The following ULK4 variants were observed in gnomAD, a reference collection of about 807,000 sequenced individuals.
The protein encoded by ULK4 is inactive serine/threonine-protein kinase ULK4.
Under a neutral mutation model 160.6 loss-of-function variants are expected in ULK4, and 133 were observed. That is an observed-to-expected ratio of 0.83 (90% confidence interval 0.72 to 0.96). The LOEUF is 0.96. Ranked by LOEUF, ULK4 falls within the 40% of genes least tolerant of loss-of-function variation. The probability of loss-of-function intolerance (pLI) is 0.00; values close to 1 mark genes in which losing one functional copy is unlikely to be tolerated. For missense variants in ULK4, 1,580 were observed against 1,499.5 expected, an observed-to-expected ratio of 1.05 and a Z score of -0.89; for synonymous variants, 534 against 539.8, an observed-to-expected ratio of 0.99 and a Z score of 0.15.
chr3:41,411,961 C>G (rs1179359754), intron 34 of ULK4, among the ~76,000 whole-genome samples: 1 of 152,226 alleles, frequency 6.6e-6, no homozygotes, highest in South Asian at 2.1e-4. Flanking sequence ...CACCCCCTAC[C>G]TGAAGCTCCA....
At chr3:41,284,541 C>T (rs1433431700) in intron 35 of ULK4, among the ~76,000 whole-genome samples, 2 of 152,072 alleles carry the variant, frequency 1.3e-5, no homozygotes, top group African/African-American at 2.4e-5. Context: ...TGGCTAGCTA[C>T]AGGTAAGAGA....
At chr3:41,578,102 A>AT (rs1222390205) in intron 31 of ULK4, among the ~76,000 whole-genome samples, 2 of 152,158 alleles carry the variant, frequency 1.3e-5, no homozygotes, top group East Asian at 3.9e-4. Context: ...ATCTAATAGA[A>AT]TTTTTCAGTT....
intron 35 of ULK4, among the ~76,000 whole-genome samples, chr3:41,272,843 A>G (rs1036703781): frequency 2.0e-5 from 3 of 152,164 alleles, no homozygotes; most frequent in African/African-American, 7.2e-5. Flanking sequence ...TTTCTTCTGC[A>G]ATATCTAATC....
intron 35 of ULK4, among the ~76,000 whole-genome samples, chr3:41,274,841 G>A (rs557012362): frequency 6.6e-6 from 1 of 152,260 alleles, no homozygotes; most frequent in Admixed American, 6.5e-5. Context: ...GTGGATTCAT[G>A]TACCAAGGAC....
At chr3:41,512,723 T>C (rs917498527) in intron 32 of ULK4, among the ~76,000 whole-genome samples, 16 of 152,078 alleles carry the variant, frequency 1.1e-4, no homozygotes, top group African/African-American at 3.9e-4. Flanking sequence ...AAATTCAACG[T>C]AATTCCTCAT....
intron 35 of ULK4, among the ~76,000 whole-genome samples, chr3:41,342,724 C>T (rs1009104466): frequency 3.9e-5 from 6 of 152,100 alleles, no homozygotes; most frequent in South Asian, 2.1e-4. Flanking sequence ...CAACACAAAA[C>T]GAAAACTTTA....
chr3:41,490,002 A>C (rs769731904), intron 32 of ULK4, among the ~76,000 whole-genome samples: 1 of 152,144 alleles, frequency 6.6e-6, no homozygotes, highest in Non-Finnish European at 1.5e-5. Flanking sequence ...TTCTGTCCCT[A>C]TGATTTGAAA....
At chr3:41,268,799 GTCTC>G in intron 35 of ULK4, among the ~76,000 whole-genome samples, 1 of 110,140 alleles carries the variant, frequency 9.1e-6, no homozygotes, top group African/African-American at 3.8e-5. Flanking sequence ...GCAAGACTCC[GTCTC>G]ACACACACAC....
chr3:41,735,641 C>T (rs1377876443), intron 22 of ULK4, among the ~76,000 whole-genome samples: 1 of 151,644 alleles, frequency 6.6e-6, no homozygotes, highest in Non-Finnish European at 1.5e-5. Flanking sequence ...TACAGAGAGT[C>T]AAAACACTAC....
At chr3:41,808,695 A>T (rs1364704976) in intron 19 of ULK4, among the ~76,000 whole-genome samples, 1 of 152,264 alleles carries the variant, frequency 6.6e-6, no homozygotes, top group Non-Finnish European at 1.5e-5. Flanking sequence ...AATATATTGT[A>T]GGCAGCCTTA....
chr3:41,368,601 T>C (rs566297598), intron 35 of ULK4, among the ~76,000 whole-genome samples: 1 of 152,226 alleles, frequency 6.6e-6, no homozygotes, highest in African/African-American at 2.4e-5. Context: ...AATCTATGTG[T>C]CTATTTTGGG....
At chr3:41,395,846 T>C (rs1010655074) in intron 35 of ULK4, among the ~76,000 whole-genome samples, 1 of 152,166 alleles carries the variant, frequency 6.6e-6, no homozygotes, top group Non-Finnish European at 1.5e-5. Context: ...ACTTCTGTTT[T>C]TGCATACAAA....
At chr3:41,761,192 T>C (rs1423878522) in intron 21 of ULK4, among the ~76,000 whole-genome samples, 1 of 151,980 alleles carries the variant, frequency 6.6e-6, no homozygotes, top group African/African-American at 2.4e-5. Flanking sequence ...TCTATGGATA[T>C]ATTAAACCTC....
chr3:41,660,575 T>C (rs572306377), intron 30 of ULK4, among the ~76,000 whole-genome samples: 97 of 152,360 alleles, frequency 6.4e-4, no homozygotes, highest in Middle Eastern at 3.4e-3. Flanking sequence ...TACTTTTTCC[T>C]TCTTCATCCC....
chr3:41,804,313 G>A lies in ULK4; in HGVS notation c.1849-4020C>T, dbSNP rs191555764. Among the ~76,000 whole-genome samples the A allele has an allele frequency of 1.7e-3, 266 of 152,198 alleles. 1 individual carries two copies. Among genetic ancestry groups the A allele is most frequent in the African/African-American group, 5.9e-3 (243 of 41,530 alleles). On this transcript the variant is annotated intron_variant, in intron 19 of 36. Transcript: ENST00000301831. ...TGAGAAGTGTCTGTTCATGTCCTTC[G>A]CCCACTTTGTGATGGGGTTGTTTTT...
At chr3:41,339,177 G>A (rs2080628169) in intron 35 of ULK4, among the ~76,000 whole-genome samples, 1 of 151,956 alleles carries the variant, frequency 6.6e-6, no homozygotes, top group African/African-American at 2.4e-5. Flanking sequence ...GGCTCTAGTG[G>A]ACATTGCCAG....
chr3:41,397,424 T>A (rs906392002), intron 35 of ULK4, among the ~76,000 whole-genome samples: 3 of 152,090 alleles, frequency 2.0e-5, no homozygotes. Context: ...TCAAAATTAA[T>A]ACCACCAGTG....
intron 35 of ULK4, among the ~76,000 whole-genome samples, chr3:41,354,593 C>T (rs2080991705): frequency 6.6e-6 from 1 of 152,074 alleles, no homozygotes; most frequent in South Asian, 2.1e-4. Flanking sequence ...GGTAAGGACA[C>T]AGTAGAGAAC....
rs184326199 is a variant in ULK4 at position 41,255,698 on chromosome 3, C to T, written c.3679-6124G>A. ...ACAGCAATTCTAAATTTGTGTGCTC[C>T]TGATCACAGCCTCAAAATATATAAA... is the stretch of plus-strand genomic sequence containing the variant. On this transcript the variant is annotated intron_variant, in intron 35 of 36. Transcript: ENST00000301831. 3.4e-3 allele frequency among the ~76,000 whole-genome samples: 478 copies of T among 142,210 alleles called. 1 individual carries two copies. Among genetic ancestry groups the T allele is most frequent in the Non-Finnish European group, 5.4e-3 (334 of 62,384 alleles). The allele number at this position is 142,210 out of a possible 152,430, so 93.3% of individuals were successfully genotyped here. A position where few individuals can be genotyped will look rare whatever the true frequency, so the allele number is the denominator to read the frequency against.
Sources: allele counts gnomAD v4.1 joint callset (sites outside exome capture counted in the v4.1 genomes callset), GRCh38; gene constraint gnomAD v4.1.1; transcripts MANE v1.5; gene names NCBI Gene and HGNC (gene_info 2026-07-23, HGNC 2026-07-21).